NELL1: variants seen among roughly 807,000 people sequenced by gnomAD.
NELL1 encodes neural EGFL like 1.
A neutral mutation model predicts 107.4 loss-of-function variants in NELL1; 76 were observed. The observed-to-expected ratio is 0.71, with a 90% CI of 0.59 to 0.86. The LOEUF (loss-of-function observed/expected upper bound fraction) is 0.86, where lower values mean the gene tolerates loss of function less well. Ranked by LOEUF, NELL1 falls within the 40% of genes least tolerant of loss-of-function variation. The probability of loss-of-function intolerance (pLI) is 0.00; values close to 1 mark genes in which losing one functional copy is unlikely to be tolerated. For synonymous variants in NELL1, 353 were observed against 341.2 expected, an observed-to-expected ratio of 1.03 and a Z score of -0.38; for missense variants, 1,024 against 1,005.5, an observed-to-expected ratio of 1.02 and a Z score of -0.25.
At chr11:20,733,213 A>G (rs1251920868) in intron 2 of NELL1, among the ~76,000 whole-genome samples, 1 of 152,146 alleles carries the variant, frequency 6.6e-6, no homozygotes, top group African/African-American at 2.4e-5. Flanking sequence ...TCTCTCCTAC[A>G]TCTGTTGCTC....
At chr11:21,316,564 G>T (rs75037617) in intron 14 of NELL1, among the ~76,000 whole-genome samples, 6,759 of 152,204 alleles carry the variant, frequency 0.044, 196 homozygotes, top group Admixed American at 0.082. Context: ...GCTTCATCTA[G>T]TCTCAACATG....
intron 13 of NELL1, among the ~76,000 whole-genome samples, chr11:21,164,703 C>T (rs756348204): frequency 6.6e-5 from 10 of 152,114 alleles, no homozygotes; most frequent in Non-Finnish European, 8.8e-5. Flanking sequence ...CTTGAGAGCA[C>T]CCAGAGTCTT....
In NELL1 at chr11:20,751,041, T is replaced by TTG. The variant is rs1049414804; in HGVS notation, c.185-32625_185-32624dup. 3.5e-3 allele frequency among the ~76,000 whole-genome samples: 526 copies of TTG among 150,240 alleles called. 2 individuals are homozygous for TTG. The highest frequency in any genetic ancestry group is 6.5e-3 in the Non-Finnish European group (433 of 67,052). On this transcript the variant is annotated intron_variant, in intron 2 of 19. Coordinates refer to ENST00000357134, the MANE Select transcript of NELL1 (RefSeq NM_006157.5). The stretch of plus-strand genomic sequence containing the variant: ...TTTGTCTATGTGTGTGTGTGTGTGT[T>TTG]TGTGTGTGTGTGTGTATATATGAAT...
At position 20,701,197 on chromosome 11, in the gene NELL1, C is replaced by T. The variant is rs143538296; in HGVS notation, c.184+23137C>T. Among the ~76,000 whole-genome samples the T allele has an allele frequency of 5.1e-4, 77 of 152,224 alleles. No homozygotes were observed. In the East Asian group the frequency reaches 0.014, roughly 29 times the overall value. ...TGTTTCTTGTCTTTTTAATAATTGC[C>T]ATTCTAACTGGTGTGAGATGGTATC... is the stretch of plus-strand genomic sequence containing the variant. On this transcript the variant is annotated intron_variant, in intron 2 of 19. Transcript: ENST00000357134.
intron 12 of NELL1, among the ~76,000 whole-genome samples, chr11:21,092,905 T>C (rs1854553294): frequency 6.6e-6 from 1 of 151,998 alleles, no homozygotes; most frequent in Admixed American, 6.6e-5. Flanking sequence ...TAGATGCAGA[T>C]GAACGCAGAA....
chr11:20,935,288 T>C (rs1442908745), intron 9 of NELL1, among the ~76,000 whole-genome samples: 2 of 152,096 alleles, frequency 1.3e-5, no homozygotes, highest in South Asian at 2.1e-4. Context: ...TTAACCAGTG[T>C]TAAAGGGTAA....
intron 13 of NELL1, among the ~76,000 whole-genome samples, chr11:21,224,662 A>C (rs1403170931): frequency 6.6e-6 from 1 of 151,956 alleles, no homozygotes; most frequent in Non-Finnish European, 1.5e-5. Context: ...ATGTCTTCTT[A>C]TTTTTGTCTG....
At chr11:20,983,714 G>A (rs1026849661) in intron 12 of NELL1, among the ~76,000 whole-genome samples, 5 of 152,114 alleles carry the variant, frequency 3.3e-5, no homozygotes, top group African/African-American at 1.2e-4. Context: ...CTCAACGTTG[G>A]TGGTGGCCTC....
chr11:21,054,636 G>A (rs1206605267), intron 12 of NELL1, among the ~76,000 whole-genome samples: 1 of 152,018 alleles, frequency 6.6e-6, no homozygotes, highest in Non-Finnish European at 1.5e-5. Flanking sequence ...AATTTGGTAG[G>A]TAAACAAGCG....
chr11:21,088,957 T>C (rs1256737853), intron 12 of NELL1, among the ~76,000 whole-genome samples: 1 of 152,176 alleles, frequency 6.6e-6, no homozygotes, highest in Non-Finnish European at 1.5e-5. Flanking sequence ...TATGTGAATT[T>C]TAAGAGAGGC....
intron 2 of NELL1, among the ~76,000 whole-genome samples, chr11:20,756,774 C>T (rs1856303024): frequency 6.6e-6 from 1 of 152,074 alleles, no homozygotes; most frequent in East Asian, 1.9e-4. Context: ...AAAATATTTC[C>T]AGATACTGCC....
chr11:21,356,683 G>A (rs1850941546), intron 14 of NELL1, among the ~76,000 whole-genome samples: 1 of 152,048 alleles, frequency 6.6e-6, no homozygotes, highest in African/African-American at 2.4e-5. Context: ...AATAGTTTTT[G>A]GGGAACAGGG....
chr11:21,344,007 T>A (rs1378695651), intron 14 of NELL1, among the ~76,000 whole-genome samples: 1 of 152,216 alleles, frequency 6.6e-6, no homozygotes, highest in Non-Finnish European at 1.5e-5. Flanking sequence ...TGAACATTTT[T>A]AATTTTGTAC....
chr11:20,675,539 T>A (rs1286129786), intron 1 of NELL1, among the ~76,000 whole-genome samples: 1 of 152,140 alleles, frequency 6.6e-6, no homozygotes, highest in East Asian at 1.9e-4. Flanking sequence ...CAGGGGTGCT[T>A]CCTTCTTCTT....
chr11:20,922,298 A>T (rs866388065), intron 7 of NELL1, among the ~76,000 whole-genome samples: 7 of 152,048 alleles, frequency 4.6e-5, no homozygotes, highest in African/African-American at 1.7e-4. Context: ...CCCTGCAGTC[A>T]CTTTGTTTTG....
intron 3 of NELL1, among the ~76,000 whole-genome samples, chr11:20,805,611 C>T (rs1430950926): frequency 2.0e-5 from 3 of 152,162 alleles, no homozygotes; most frequent in Admixed American, 2.0e-4. Context: ...GCTCCGCCTC[C>T]CAGGTTCATG....
intron 15 of NELL1, among the ~76,000 whole-genome samples, chr11:21,469,632 A>C (rs1854123465): frequency 6.6e-6 from 1 of 152,130 alleles, no homozygotes. Flanking sequence ...ATTAAAGACC[A>C]TCTATATGCC....
intron 13 of NELL1, among the ~76,000 whole-genome samples, chr11:21,118,582 C>T (rs568047641): frequency 1.3e-5 from 2 of 152,172 alleles, no homozygotes; most frequent in African/African-American, 4.8e-5. Flanking sequence ...TATAAAATGT[C>T]TTTTCAAATG....
At chr11:21,009,434 C>T (rs1164610088) in intron 12 of NELL1, among the ~76,000 whole-genome samples, 1 of 152,000 alleles carries the variant, frequency 6.6e-6, no homozygotes, top group Admixed American at 6.6e-5. Flanking sequence ...GTAATAAAAC[C>T]CAAATCCAAA....
Sources: allele counts gnomAD v4.1 joint callset (sites outside exome capture counted in the v4.1 genomes callset), GRCh38; gene constraint gnomAD v4.1.1; transcripts MANE v1.5; gene names NCBI Gene and HGNC (gene_info 2026-07-23, HGNC 2026-07-21).